NYAP2: variants seen among roughly 807,000 people sequenced by gnomAD.
NYAP2 encodes neuronal tyrosine-phosphorylated phosphoinositide-3-kinase adapter 2.
A neutral mutation model predicts 50.4 loss-of-function variants in NYAP2; 23 were observed. The ratio of observed to expected loss-of-function variants is 0.46; its 90% CI spans 0.33 to 0.65. The LOEUF (loss-of-function observed/expected upper bound fraction) is 0.65. Ranked by LOEUF, NYAP2 falls within the 30% of genes least tolerant of loss-of-function variation. The probability of loss-of-function intolerance (pLI) is 0.02; values close to 1 mark genes in which losing one functional copy is unlikely to be tolerated. For missense variants in NYAP2, 885 were observed against 861.0 expected, an observed-to-expected ratio of 1.03 and a Z score of -0.35; for synonymous variants, 394 against 365.2, an observed-to-expected ratio of 1.08 and a Z score of -0.90.
At chr2:225,424,899 A>C (rs899789884) in intron 3 of NYAP2, among the ~76,000 whole-genome samples, 5 of 152,198 alleles carry the variant, frequency 3.3e-5, no homozygotes, top group Non-Finnish European at 5.9e-5. Flanking sequence ...TGTTAGAAGT[A>C]ATCGGGAAAA....
chr2:225,536,869 C>T (rs1691360445), intron 4 of NYAP2, among the ~76,000 whole-genome samples: 2 of 151,504 alleles, frequency 1.3e-5, no homozygotes, highest in South Asian at 2.1e-4. Context: ...AGCTCCGCCT[C>T]CCGGGTTCAC....
downstream of NYAP2, among the ~76,000 whole-genome samples, chr2:225,657,698 G>A (rs141162043): frequency 4.3e-3 from 650 of 152,060 alleles, 3 homozygotes; most frequent in Non-Finnish European, 7.3e-3. Flanking sequence ...CAATTCTCAG[G>A]CCACTATGAG....
At chr2:225,536,139 A>C (rs2106200218) in intron 4 of NYAP2, among the ~76,000 whole-genome samples, 1 of 152,336 alleles carries the variant, frequency 6.6e-6, no homozygotes, top group Non-Finnish European at 1.5e-5. Context: ...CATATTTCTC[A>C]AAAATAAATC....
intron 3 of NYAP2, among the ~76,000 whole-genome samples, chr2:225,447,961 T>C (rs1689588393): frequency 6.6e-6 from 1 of 152,198 alleles, no homozygotes; most frequent in Admixed American, 6.5e-5. Flanking sequence ...TAAAAAGAAC[T>C]CAGGTGGGGA....
intron 5 of NYAP2, among the ~76,000 whole-genome samples, chr2:225,625,043 TAAAAAAAAAAAAAAAA>T (rs386392796): frequency 1.4e-5 from 1 of 69,630 alleles, no homozygotes; most frequent in African/African-American, 6.0e-5. Flanking sequence ...AACCCAAGCG[TAAAAAAAAAAAAAAAA>T]AAAAAAAAAA....
intron 4 of NYAP2, among the ~76,000 whole-genome samples, chr2:225,537,029 C>G (rs866220839): frequency 6.6e-6 from 1 of 152,076 alleles, no homozygotes; most frequent in Admixed American, 6.6e-5. Context: ...CCGCTCGCCT[C>G]GGCTTCCCAA....
intron 3 of NYAP2, among the ~76,000 whole-genome samples, chr2:225,512,662 A>G (rs1326961571): frequency 2.2e-5 from 2 of 90,892 alleles, no homozygotes; most frequent in Non-Finnish European, 4.5e-5. Flanking sequence ...CCTTCCTCCC[A>G]TCTTTCTTTG....
At chr2:225,559,932 C>T (rs575888952) in intron 4 of NYAP2, among the ~76,000 whole-genome samples, 2 of 151,964 alleles carry the variant, frequency 1.3e-5, no homozygotes, top group Non-Finnish European at 2.9e-5. Context: ...GAAGATATTG[C>T]CTGCATTAGG....
At chr2:225,503,676 A>G (rs991069934) in intron 3 of NYAP2, among the ~76,000 whole-genome samples, 1 of 152,160 alleles carries the variant, frequency 6.6e-6, no homozygotes, top group African/African-American at 2.4e-5. Context: ...ACTCTTGGCA[A>G]TAGCACTTCG....
chr2:225,517,515 G>A (rs914868700), intron 4 of NYAP2, among the ~76,000 whole-genome samples: 1 of 152,140 alleles, frequency 6.6e-6, no homozygotes. Flanking sequence ...ATTGACTTTA[G>A]GCAAGTGATC....
intron 3 of NYAP2, among the ~76,000 whole-genome samples, chr2:225,503,550 G>T (rs1690644008): frequency 6.6e-6 from 1 of 152,090 alleles, no homozygotes; most frequent in African/African-American, 2.4e-5. Context: ...TAGAAACTCA[G>T]AAATGAAGAA....
At chr2:225,692,915 G>T in the NYAP2 span, among the ~76,000 whole-genome samples, 5 of 151,866 alleles carry the variant, frequency 3.3e-5, no homozygotes, top group Non-Finnish European at 7.4e-5. Flanking sequence ...ATATATGTGT[G>T]TGTACATATA....
At chr2:225,465,491 C>T (rs569606282) in intron 3 of NYAP2, among the ~76,000 whole-genome samples, 3 of 152,046 alleles carry the variant, frequency 2.0e-5, no homozygotes, top group African/African-American at 4.8e-5. Context: ...CCGAGGTGGG[C>T]GGATCACAAG....
At chr2:225,627,099 A>G in exon 6 of NYAP2, 1 of 1,591,130 alleles carries the variant, frequency 6.3e-7, no homozygotes, top group Admixed American at 1.8e-5. Context: ...TGTGAGCCCC[A>G]CCTTGTTAGC....
intron 6 of NYAP2, among the ~76,000 whole-genome samples, chr2:225,630,891 C>G (rs900026384): frequency 1.3e-5 from 2 of 152,208 alleles, no homozygotes; most frequent in Admixed American, 6.5e-5. Flanking sequence ...TCAGGACTTA[C>G]AGTTTGCTTA....
At chr2:225,658,864 G>T (rs768369444), downstream of NYAP2, among the ~76,000 whole-genome samples, 7 of 152,206 alleles carry the variant, frequency 4.6e-5, no homozygotes, top group Non-Finnish European at 1.0e-4. Flanking sequence ...CTTAGCTGAA[G>T]TATGGGCTAA....
chr2:225,443,875 C>A (rs1271029348), intron 3 of NYAP2, among the ~76,000 whole-genome samples: 1 of 152,126 alleles, frequency 6.6e-6, no homozygotes, highest in Non-Finnish European at 1.5e-5. Context: ...TGGTCACTGA[C>A]CATAGATCCA....
the NYAP2 span, among the ~76,000 whole-genome samples, chr2:225,659,393 T>C: frequency 6.6e-6 from 1 of 152,232 alleles, no homozygotes; most frequent in African/African-American, 2.4e-5. Context: ...GCTTACCATG[T>C]GCCAGGACTG....
intron 3 of NYAP2, among the ~76,000 whole-genome samples, chr2:225,441,619 G>GGA (rs1159993414): frequency 3.3e-5 from 5 of 152,164 alleles, no homozygotes; most frequent in Non-Finnish European, 5.9e-5. Flanking sequence ...AAAGGCGGCA[G>GGA]GAGAGAGAGA....
Sources: allele counts gnomAD v4.1 joint callset (sites outside exome capture counted in the v4.1 genomes callset), GRCh38; gene constraint gnomAD v4.1.1; transcripts MANE v1.5; gene names NCBI Gene and HGNC (gene_info 2026-07-23, HGNC 2026-07-21).